The following EPHB1 variants were observed in gnomAD, a reference collection of about 807,000 sequenced individuals.
The protein encoded by EPHB1 is ephrin type-B receptor 1.
EPHB1 carries 30 observed loss-of-function variants against 94.4 expected under a neutral mutation model. That is an observed-to-expected ratio of 0.32 (90% CI 0.24 to 0.43). EPHB1 has a LOEUF of 0.43. EPHB1 is among the 20% of genes least tolerant of loss of function. The probability of loss-of-function intolerance (pLI) is 1.00; values close to 1 mark genes in which losing one functional copy is unlikely to be tolerated. For synonymous variants in EPHB1, 522 were observed against 489.1 expected, an observed-to-expected ratio of 1.07 and a Z score of -0.89; for missense variants, 1,055 against 1,308.3, an observed-to-expected ratio of 0.81 and a Z score of 2.99.
At chr3:135,099,106 G>A (rs925760745) in intron 3 of EPHB1, among the ~76,000 whole-genome samples, 1 of 102,952 alleles carries the variant, frequency 9.7e-6, no homozygotes, top group Admixed American at 1.0e-4. Flanking sequence ...CATATTTGTT[G>A]TTGTTATTAT....
At chr3:135,020,194 C>T (rs1296029348) in intron 3 of EPHB1, among the ~76,000 whole-genome samples, 1 of 152,136 alleles carries the variant, frequency 6.6e-6, no homozygotes, top group Non-Finnish European at 1.5e-5. Context: ...TTACCATTTC[C>T]CCAAACATGT....
intron 6 of EPHB1, among the ~76,000 whole-genome samples, chr3:135,155,919 GA>G (rs1171963340): frequency 6.6e-6 from 1 of 151,714 alleles, no homozygotes; most frequent in Non-Finnish European, 1.5e-5. Flanking sequence ...CTGTTCCACT[GA>G]AAACAGAGCC....
chr3:135,162,284 G>T (rs1469743751), intron 7 of EPHB1, 104 bp downstream of exon 7: 27 of 1,265,058 alleles, frequency 2.1e-5, no homozygotes, highest in Non-Finnish European at 2.7e-5. Flanking sequence ...TCTCCAACTG[G>T]ATTCCAGTGG....
At chr3:134,854,315 GA>G (rs918711568) in intron 1 of EPHB1, among the ~76,000 whole-genome samples, 4 of 152,252 alleles carry the variant, frequency 2.6e-5, no homozygotes, top group African/African-American at 9.6e-5. Context: ...AGCCAAGCCT[GA>G]AAGGAGCCGT....
intron 3 of EPHB1, chr3:135,067,961 C>T (rs1296817243): frequency 6.6e-6 from 1 of 152,232 alleles, no homozygotes; most frequent in Non-Finnish European, 1.5e-5. Flanking sequence ...TTCAGTTTCC[C>T]CAGTAGTAGG....
At chr3:134,892,176 A>G (rs548157145) in intron 1 of EPHB1, among the ~76,000 whole-genome samples, 2 of 152,370 alleles carry the variant, frequency 1.3e-5, no homozygotes, top group East Asian at 1.9e-4. Flanking sequence ...TCTAAGTGGT[A>G]GTTGAGCTGC....
At chr3:135,055,103 C>T (rs924510540) in intron 3 of EPHB1, among the ~76,000 whole-genome samples, 4 of 152,136 alleles carry the variant, frequency 2.6e-5, no homozygotes, top group Non-Finnish European at 5.9e-5. Context: ...ACAATCTATT[C>T]TAAACATTTT....
chr3:135,077,119 AAAAG>A lies in EPHB1; in HGVS notation c.806-29319_806-29316del, dbSNP rs528248200. On this transcript the variant is annotated intron_variant, in intron 3 of 15. Transcript: ENST00000398015. ...ACCTCCATAAAACTGCTTAAGATAAAAAAGAAAGAAAGAGAAGTAGATTCCAGAA... is the reference window on the plus strand; with the variant it reads ...ACCTCCATAAAACTGCTTAAGATAAAAAAGAAAGAGAAGTAGATTCCAGAA... 3.0e-3 allele frequency among the ~76,000 whole-genome samples: 463 copies of A among 152,262 alleles called. 3 individuals are homozygous for A. Among genetic ancestry groups the A allele is most frequent in the African/African-American group, 0.011 (442 of 41,516 alleles).
intron 3 of EPHB1, among the ~76,000 whole-genome samples, chr3:135,082,585 C>T (rs1038256212): frequency 6.6e-6 from 1 of 152,060 alleles, no homozygotes; most frequent in Non-Finnish European, 1.5e-5. Context: ...GGAGACATGC[C>T]AACTGGAAAA....
intron 1 of EPHB1, among the ~76,000 whole-genome samples, chr3:134,804,071 ATTTTTTTTTTTTTTTTTTTTT>A (rs572201781): frequency 9.1e-5 from 4 of 43,750 alleles, no homozygotes; most frequent in East Asian, 6.6e-4. Context: ...ATTATTGGCT[ATTTTTTTTTTTTTTTTTTTTT>A]TTTTTTTTTT....
At chr3:135,183,230 TCCTCCCTCC>T (rs1942230690) in intron 10 of EPHB1, among the ~76,000 whole-genome samples, 1 of 122,394 alleles carries the variant, frequency 8.2e-6, no homozygotes. Flanking sequence ...CTCCCTCCCT[TCCTCCCTCC>T]CTCCCTTTCT....
intron 3 of EPHB1, among the ~76,000 whole-genome samples, chr3:134,969,471 C>T (rs574982835): frequency 5.5e-4 from 84 of 152,276 alleles, no homozygotes; most frequent in Non-Finnish European, 1.1e-3. Context: ...CAGGTGTGGC[C>T]ATGAGGACTG....
At chr3:135,115,942 G>A (rs1015126417) in intron 4 of EPHB1, among the ~76,000 whole-genome samples, 3 of 152,150 alleles carry the variant, frequency 2.0e-5, no homozygotes, top group African/African-American at 7.2e-5. Context: ...ATGGCCAGGC[G>A]CAGTGGCTCA....
Position 135,054,024 on chromosome 3 carries a change from CAT to C in EPHB1, c.806-52408_806-52407del, listed in dbSNP as rs144029421. On this transcript the variant is annotated intron_variant, in intron 3 of 15. Coordinates refer to ENST00000398015, the MANE Select transcript of EPHB1 (RefSeq NM_004441.5). Reference sequence around the variant, plus strand: ...ATATACATGTGCATATGTGTGTCTGCATATATATATATATATACACACACACA... The same window carrying C: ...ATATACATGTGCATATGTGTGTCTGCATATATATATATATACACACACACA... Among the ~76,000 whole-genome samples, 638 of 137,420 alleles carry C rather than the reference CAT, an allele frequency of 4.6e-3. 4 individuals are homozygous for C. The highest frequency in any genetic ancestry group is 0.016 in the African/African-American group (583 of 35,566). 90.2% of individuals were successfully genotyped at this position (137,420 alleles called of 152,430 possible).
At chr3:135,120,560 C>CTG (rs1939915477) in intron 4 of EPHB1, among the ~76,000 whole-genome samples, 1 of 152,156 alleles carries the variant, frequency 6.6e-6, no homozygotes, top group South Asian at 2.1e-4. Context: ...CCGTGAATTA[C>CTG]TGTGTCTATG....
intron 4 of EPHB1, among the ~76,000 whole-genome samples, chr3:135,116,532 C>G (rs561818429): frequency 6.6e-6 from 1 of 152,206 alleles, no homozygotes; most frequent in East Asian, 1.9e-4. Context: ...CTGTGTCTCA[C>G]TCCTAGACCT....
At chr3:134,941,256 C>T (rs1205276807) in intron 2 of EPHB1, among the ~76,000 whole-genome samples, 1 of 151,376 alleles carries the variant, frequency 6.6e-6, no homozygotes, top group African/African-American at 2.4e-5. Context: ...TCAAATCTCT[C>T]ACCTTCATTT....
intron 15 of EPHB1, among the ~76,000 whole-genome samples, chr3:135,253,285 C>T (rs1933210853): frequency 6.6e-6 from 1 of 151,348 alleles, no homozygotes; most frequent in Non-Finnish European, 1.5e-5. Flanking sequence ...GAAGTCCTTG[C>T]CCATGCCTAT....
At chr3:135,016,271 C>T (rs1423932139) in intron 3 of EPHB1, among the ~76,000 whole-genome samples, 2 of 152,136 alleles carry the variant, frequency 1.3e-5, no homozygotes, top group East Asian at 1.9e-4. Flanking sequence ...TGCAGATATG[C>T]GATAATAGCA....
Sources: allele counts gnomAD v4.1 joint callset (sites outside exome capture counted in the v4.1 genomes callset), GRCh38; gene constraint gnomAD v4.1.1; transcripts MANE v1.5; gene names NCBI Gene and HGNC (gene_info 2026-07-23, HGNC 2026-07-21).